The following ADAMTS6 variants were observed in gnomAD, a reference collection of about 807,000 sequenced individuals.
The protein encoded by ADAMTS6 is A disintegrin and metalloproteinase with thrombospondin motifs 6.
In ADAMTS6, 23 loss-of-function variants were observed where a neutral mutation model predicts 144.3. The ratio of observed to expected loss-of-function variants is 0.16; its 90% CI spans 0.11 to 0.23. The LOEUF is 0.23. ADAMTS6 is among the 10% of genes least tolerant of loss of function. ADAMTS6 has a pLI of 1.00. For synonymous variants in ADAMTS6, 444 were observed against 457.5 expected (o/e 0.97, Z 0.38); for missense variants, 999 against 1,379.6 (o/e 0.72, Z 4.37).
chr5:65,404,209 A>C (rs1308588678), intron 7 of ADAMTS6, among the ~76,000 whole-genome samples: 3 of 152,032 alleles, frequency 2.0e-5, no homozygotes, highest in Non-Finnish European at 4.4e-5. Flanking sequence ...GGTTTGTTAC[A>C]TATGTATACA....
rs111704051 is a variant in ADAMTS6 at position 65,463,543 on chromosome 5, TA to T, written c.463-3206del. Among the ~76,000 whole-genome samples the T allele has an allele frequency of 1.7e-3, 254 of 152,310 alleles. 1 individual carries two copies. Among genetic ancestry groups the T allele is most frequent in the African/African-American group, 4.6e-3 (192 of 41,566 alleles). On this transcript the variant is annotated intron_variant, in intron 3 of 24. Coordinates refer to ENST00000381055, the MANE Select transcript of ADAMTS6 (RefSeq NM_197941.4). ...TTACCTCAGTATCCCCATTCACCTT[TA>T]CACTATCTGCCTCAGGACTATTAGG...
At chr5:65,418,800 C>A (rs997875067) in intron 7 of ADAMTS6, among the ~76,000 whole-genome samples, 1 of 152,048 alleles carries the variant, frequency 6.6e-6, no homozygotes, top group Admixed American at 6.6e-5. Context: ...TGAAAAAATG[C>A]TAAACATCAC....
intron 11 of ADAMTS6, among the ~76,000 whole-genome samples, chr5:65,275,358 AG>A (rs1561363842): frequency 1.4e-4 from 2 of 14,696 alleles, no homozygotes; most frequent in African/African-American, 2.7e-4. Context: ...AAGAAGAGAA[AG>A]AAAGAAAGAA....
intron 7 of ADAMTS6, among the ~76,000 whole-genome samples, chr5:65,391,522 TC>T (rs1352893601): frequency 6.6e-6 from 1 of 151,828 alleles, no homozygotes; most frequent in Non-Finnish European, 1.5e-5. Context: ...TCCTAAGAAA[TC>T]CACTTAATGC....
intron 15 of ADAMTS6, among the ~76,000 whole-genome samples, chr5:65,241,767 T>G (rs1223871897): frequency 2.6e-5 from 4 of 152,316 alleles, no homozygotes; most frequent in African/African-American, 9.6e-5. Flanking sequence ...GATTATAATG[T>G]AACTTACATA....
At chr5:65,402,069 A>G (rs74910897) in intron 7 of ADAMTS6, among the ~76,000 whole-genome samples, 4,291 of 152,106 alleles carry the variant, frequency 0.028, 194 homozygotes, top group African/African-American at 0.094. Context: ...CATATCCAAG[A>G]CCTTGTCATT....
At chr5:65,291,264 T>C in intron 11 of ADAMTS6, 65 bp downstream of exon 11, 1 of 1,534,288 alleles carries the variant, frequency 6.5e-7, no homozygotes, top group Non-Finnish European at 8.8e-7. Context: ...CGTAATTCCA[T>C]CTTAACATCT....
At chr5:65,423,719 G>C (rs1317441912) in intron 7 of ADAMTS6, among the ~76,000 whole-genome samples, 2 of 151,698 alleles carry the variant, frequency 1.3e-5, no homozygotes, top group African/African-American at 4.8e-5. Context: ...TGACATGAAT[G>C]TACTTGAAGT....
intron 7 of ADAMTS6, among the ~76,000 whole-genome samples, chr5:65,362,057 T>G (rs1233838840): frequency 6.6e-6 from 1 of 152,234 alleles, no homozygotes; most frequent in Non-Finnish European, 1.5e-5. Flanking sequence ...TTTTAATTTA[T>G]CACTCAAGAA....
intron 14 of ADAMTS6, among the ~76,000 whole-genome samples, chr5:65,250,706 A>C (rs991987442): frequency 2.0e-5 from 3 of 152,196 alleles, no homozygotes; most frequent in Non-Finnish European, 2.9e-5. Context: ...GTTCTATCAT[A>C]ATCATATTAT....
chr5:65,261,492 TTTCAGTTG>T (rs141909981), intron 13 of ADAMTS6, among the ~76,000 whole-genome samples: 2,178 of 152,312 alleles, frequency 0.014, 52 homozygotes, highest in African/African-American at 0.049. Context: ...TTATAGCAGC[TTTCAGTTG>T]AACTTACGTT....
chr5:65,294,883 T>C (rs1434945245), intron 10 of ADAMTS6, among the ~76,000 whole-genome samples: 1 of 152,022 alleles, frequency 6.6e-6, no homozygotes, highest in African/African-American at 2.4e-5. Flanking sequence ...AATAATAATT[T>C]CCTTGTTTTG....
At chr5:65,451,437 A>C in intron 7 of ADAMTS6, 38 bp downstream of exon 7, 1 of 1,611,958 alleles carries the variant, frequency 6.2e-7, no homozygotes. Context: ...GTGAATAAAC[A>C]CAACAATCAA....
chr5:65,383,136 A>G (rs1413526672), intron 7 of ADAMTS6, among the ~76,000 whole-genome samples: 1 of 152,148 alleles, frequency 6.6e-6, no homozygotes, highest in African/African-American at 2.4e-5. Context: ...TTAACATACA[A>G]ATTTTGGGAG....
chr5:65,473,453 T>C (rs1205181881), intron 2 of ADAMTS6, 124 bp downstream of exon 2: 2 of 736,986 alleles, frequency 2.7e-6, no homozygotes, highest in African/African-American at 1.8e-5. Context: ...ATTGACACAG[T>C]AGGCCTCTAT....
At chr5:65,290,512 C>T (rs1172297245) in intron 11 of ADAMTS6, among the ~76,000 whole-genome samples, 3 of 151,990 alleles carry the variant, frequency 2.0e-5, no homozygotes, top group Non-Finnish European at 2.9e-5. Flanking sequence ...GATTGCACCA[C>T]TGCACTCCAG....
intron 24 of ADAMTS6, among the ~76,000 whole-genome samples, chr5:65,158,424 A>G (rs1414154982): frequency 1.3e-5 from 2 of 152,216 alleles, no homozygotes; most frequent in Non-Finnish European, 2.9e-5. Context: ...TTACCAGCCC[A>G]TGGCACACCA....
intron 11 of ADAMTS6, among the ~76,000 whole-genome samples, chr5:65,283,611 A>G (rs1472279895): frequency 6.6e-6 from 1 of 152,152 alleles, no homozygotes; most frequent in East Asian, 1.9e-4. Context: ...CCTGATAAAT[A>G]TATGTTTGGA....
chr5:65,273,737 T>C lies in ADAMTS6; in HGVS notation c.1513-290A>G, dbSNP rs574042191. ...TAGAAATTTCATTAATATAGATGAA[T>C]AGGGAGAAAAAAATGACTATGTAGA... On this transcript the variant is annotated intron_variant, in intron 11 of 24. Coordinates refer to ENST00000381055, the MANE Select transcript of ADAMTS6 (RefSeq NM_197941.4). 6.2e-4 allele frequency among the ~76,000 whole-genome samples: 94 copies of C among 152,070 alleles called. 1 individual carries two copies. The South Asian group carries it at 0.019, about 31-fold the overall frequency.
Sources: gnomAD v4.1 joint callset for allele counts (sites outside exome capture counted in the v4.1 genomes callset) on GRCh38, gnomAD v4.1.1 for gene constraint, MANE v1.5 for transcripts, NCBI Gene and HGNC (gene_info 2026-07-23, HGNC 2026-07-21) for gene names.